The following GULP1 variants were observed in gnomAD, a reference collection of about 807,000 sequenced individuals.
The protein encoded by GULP1 is GULP PTB domain containing engulfment adaptor 1, also known as PTB domain-containing engulfment adapter protein 1.
Under a neutral mutation model 40.9 loss-of-function variants are expected in GULP1, and 19 were observed. The observed-to-expected ratio is 0.46, with a 90% CI of 0.32 to 0.68. The LOEUF (loss-of-function observed/expected upper bound fraction) is 0.68, where lower values mean the gene tolerates loss of function less well. GULP1 is among the 30% of genes least tolerant of loss of function. The pLI, the probability that GULP1 is intolerant of heterozygous loss-of-function variation, is 0.03. For synonymous variants in GULP1, 119 were observed against 117.6 expected, an observed-to-expected ratio of 1.01 and a Z score of -0.08; for missense variants, 312 against 362.2, an observed-to-expected ratio of 0.86 and a Z score of 1.12.
At chr2:188,378,571 T>C (rs1448198043) in intron 1 of GULP1, among the ~76,000 whole-genome samples, 1 of 152,184 alleles carries the variant, frequency 6.6e-6, no homozygotes, top group Non-Finnish European at 1.5e-5. Context: ...TGGTGAGGAC[T>C]TTAGGCTGTT....
chr2:188,571,940 GT>G (rs1322792779), intron 9 of GULP1, among the ~76,000 whole-genome samples: 1 of 152,146 alleles, frequency 6.6e-6, no homozygotes, highest in Non-Finnish European at 1.5e-5. Context: ...TCCAAACCTG[GT>G]CATTGTGTAA....
At chr2:188,377,397 T>C (rs1315909596) in intron 1 of GULP1, among the ~76,000 whole-genome samples, 2 of 152,198 alleles carry the variant, frequency 1.3e-5, no homozygotes, top group Non-Finnish European at 2.9e-5. Flanking sequence ...GCAGTTAGCA[T>C]TTATTTCTAA....
chr2:188,378,840 G>A lies in GULP1; in HGVS notation c.-171-4923G>A, dbSNP rs557678096. Among the ~76,000 whole-genome samples the A allele has an allele frequency of 1.5e-4, 23 of 152,304 alleles. No homozygotes were observed. In the South Asian group the frequency reaches 4.6e-3, roughly 30 times the overall value. On this transcript the variant is annotated intron_variant, in intron 1 of 11. Transcript: ENST00000409830. ...GGATCACATTTCAACATGAGGTTTG[G>A]AGGGTGAAATAGCTGAATTATTGCA...
intron 4 of GULP1, among the ~76,000 whole-genome samples, chr2:188,493,866 TTCTCA>T (rs1294325008): frequency 6.6e-6 from 1 of 152,110 alleles, no homozygotes; most frequent in African/African-American, 2.4e-5. Flanking sequence ...GTTGCGTCAG[TTCTCA>T]GACTCTTCCT....
chr2:188,295,201 A>G (rs545821859), intron 1 of GULP1, among the ~76,000 whole-genome samples: 1 of 152,320 alleles, frequency 6.6e-6, no homozygotes, highest in Non-Finnish European at 1.5e-5. Context: ...CTCAGAAATA[A>G]TGCTTGAGAA....
intron 4 of GULP1, among the ~76,000 whole-genome samples, chr2:188,506,927 C>T (rs1244324286): frequency 1.3e-5 from 2 of 151,976 alleles, no homozygotes; most frequent in African/African-American, 4.8e-5. Context: ...ACCTGAACTT[C>T]TCCCAGAAAG....
At chr2:188,335,436 G>A (rs973274879) in intron 1 of GULP1, among the ~76,000 whole-genome samples, 3 of 151,934 alleles carry the variant, frequency 2.0e-5, no homozygotes, top group Admixed American at 1.3e-4. Context: ...TTTAATCCTG[G>A]TTACCTCATC....
intron 2 of GULP1, among the ~76,000 whole-genome samples, chr2:188,459,883 C>T (rs1167268871): frequency 6.6e-6 from 1 of 152,158 alleles, no homozygotes; most frequent in Non-Finnish European, 1.5e-5. Context: ...TTCCCAGCAT[C>T]ATTTATTGAA....
At chr2:188,564,941 A>G (rs962548275) in intron 7 of GULP1, among the ~76,000 whole-genome samples, 3 of 151,940 alleles carry the variant, frequency 2.0e-5, no homozygotes, top group Non-Finnish European at 3.0e-5. Context: ...AAAAAATTCA[A>G]TGGAAAAAAG....
intron 7 of GULP1, among the ~76,000 whole-genome samples, chr2:188,549,697 G>A (rs950598897): frequency 1.3e-5 from 2 of 151,744 alleles, no homozygotes; most frequent in East Asian, 1.9e-4. Context: ...ATTTATAGAA[G>A]CTTATTCATA....
chr2:188,373,559 T>C (rs1373083701), intron 1 of GULP1, among the ~76,000 whole-genome samples: 1 of 151,966 alleles, frequency 6.6e-6, no homozygotes, highest in African/African-American at 2.4e-5. Flanking sequence ...TTTTATTTTT[T>C]TTGACAGGCC....
At chr2:188,507,292 A>T (rs2064014546) in intron 4 of GULP1, among the ~76,000 whole-genome samples, 1 of 151,112 alleles carries the variant, frequency 6.6e-6, no homozygotes, top group Admixed American at 6.6e-5. Context: ...TCTAGAATTT[A>T]TTGGGCTTTA....
intron 1 of GULP1, among the ~76,000 whole-genome samples, chr2:188,377,103 C>T (rs2048389166): frequency 1.3e-5 from 2 of 151,240 alleles, no homozygotes; most frequent in Non-Finnish European, 1.5e-5. Flanking sequence ...ACCTGGGAGG[C>T]GGAGGTTGTG....
chr2:188,392,765 A>T (rs1025947679), intron 2 of GULP1, among the ~76,000 whole-genome samples: 1 of 152,018 alleles, frequency 6.6e-6, no homozygotes, highest in Admixed American at 6.6e-5. Context: ...CTTTTGCTTC[A>T]GAGATTTTGT....
intron 1 of GULP1, among the ~76,000 whole-genome samples, chr2:188,351,939 A>T (rs2044505481): frequency 6.6e-6 from 1 of 152,176 alleles, no homozygotes; most frequent in South Asian, 2.1e-4. Flanking sequence ...TGCTTCTTAT[A>T]CTAGCTAAGT....
chr2:188,511,042 G>T (rs1241280913), intron 4 of GULP1, among the ~76,000 whole-genome samples: 1 of 152,038 alleles, frequency 6.6e-6, no homozygotes, highest in Non-Finnish European at 1.5e-5. Context: ...GTCGCTGGTT[G>T]TATTTTCTCA....
At position 188,529,701 on chromosome 2, in the gene GULP1, GTT is replaced by G. The variant is rs1192467144; in HGVS notation, c.261+508_261+509del. 3.3e-5 allele frequency among the ~76,000 whole-genome samples: 5 copies of G among 152,132 alleles called. No individual in the cohort carries two copies. In the East Asian group the frequency reaches 9.6e-4, roughly 29 times the overall value. On this transcript the variant is annotated intron_variant, in intron 6 of 11. Transcript: ENST00000409830. Reference sequence around the variant, plus strand: ...CAAGATCAAGATGCCAGCAGGGTTAGTTTCCTCTGTAGCCTTTCTCCTTGGCT... The same window carrying G: ...CAAGATCAAGATGCCAGCAGGGTTAGTCCTCTGTAGCCTTTCTCCTTGGCT...
At chr2:188,498,639 A>C (rs114938738) in intron 4 of GULP1, among the ~76,000 whole-genome samples, 4,115 of 151,982 alleles carry the variant, frequency 0.027, 87 homozygotes, top group Non-Finnish European at 0.042. Flanking sequence ...TCTCTCAATT[A>C]AGAAAGGCAT....
intron 7 of GULP1, among the ~76,000 whole-genome samples, chr2:188,561,127 G>A (rs1045181544): frequency 6.6e-6 from 1 of 152,192 alleles, no homozygotes; most frequent in African/African-American, 2.4e-5. Flanking sequence ...TGGGGACTGG[G>A]ACGTTAAGCA....
Sources: allele counts gnomAD v4.1 joint callset (sites outside exome capture counted in the v4.1 genomes callset), GRCh38; gene constraint gnomAD v4.1.1; transcripts MANE v1.5; gene names NCBI Gene and HGNC (gene_info 2026-07-23, HGNC 2026-07-21).